RNF220: variants seen among roughly 807,000 people sequenced by gnomAD.
The protein encoded by RNF220 is E3 ubiquitin-protein ligase RNF220.
Under a neutral mutation model 67.1 loss-of-function variants are expected in RNF220, and 7 were observed. The ratio of observed to expected loss-of-function variants is 0.10; its 90% confidence interval spans 0.06 to 0.20. The LOEUF is 0.20. RNF220 is among the 10% of genes least tolerant of loss of function. The pLI is 1.00. For missense variants in RNF220, 565 were observed against 740.3 expected (o/e 0.76, Z 2.75); for synonymous variants, 270 against 283.2 (o/e 0.95, Z 0.47).
chr1:44,507,178 C>T (rs1360618039), intron 2 of RNF220, among the ~76,000 whole-genome samples: 2 of 152,186 alleles, frequency 1.3e-5, no homozygotes, highest in African/African-American at 2.4e-5. Flanking sequence ...CTTCTAGCGG[C>T]CGGATCTCTT....
intron 2 of RNF220, among the ~76,000 whole-genome samples, chr1:44,548,655 T>C (rs1050865643): frequency 6.6e-6 from 1 of 152,122 alleles, no homozygotes; most frequent in African/African-American, 2.4e-5. Flanking sequence ...TCTGGCTTAA[T>C]TTTTAAAAAT....
At chr1:44,418,190 C>T (rs1362914474) in intron 2 of RNF220, among the ~76,000 whole-genome samples, 1 of 151,866 alleles carries the variant, frequency 6.6e-6, no homozygotes, top group Non-Finnish European at 1.5e-5. Context: ...GTGCACGGGG[C>T]GTGAGGGGGA....
intron 2 of RNF220, among the ~76,000 whole-genome samples, chr1:44,477,530 G>GAGAA (rs10634484): frequency 0.11 from 16,643 of 152,118 alleles, 2,699 homozygotes; most frequent in African/African-American, 0.36. Flanking sequence ...TTTGAAGAAT[G>GAGAA]AGAACCAATC....
chr1:44,606,859 G>A lies in RNF220; in HGVS notation c.626-7306G>A, dbSNP rs562154502. 2.0e-5 allele frequency among the ~76,000 whole-genome samples: 3 copies of A among 152,204 alleles called. No homozygotes were observed. The highest frequency in any genetic ancestry group is 2.1e-4 in the South Asian group (1 of 4,816). Reference sequence around the variant, plus strand: ...TCGGTGCTCTATGTCAATGTCTCCCGGGTCTAGAACTCTAGCTCTGGCTCA... The same window carrying A: ...TCGGTGCTCTATGTCAATGTCTCCCAGGTCTAGAACTCTAGCTCTGGCTCA... On this transcript the variant is annotated intron_variant, in intron 2 of 14. Transcript: ENST00000361799. The surrounding 1 kb of genome is among the most constrained non-coding windows in gnomAD (Gnocchi z 4.2).
chr1:44,651,097 T>C lies in RNF220; in HGVS notation c.*322T>C. The C allele has an allele frequency of 4.8e-6, 2 of 416,368 alleles. No individual in the cohort carries two copies. The highest frequency in any genetic ancestry group is 9.1e-6 in the Non-Finnish European group (2 of 219,508). The allele number at this position is 416,368 out of a possible 1,614,324, so 25.8% of individuals were successfully genotyped here. On this transcript the variant is annotated 3_prime_UTR_variant, in exon 15 of 15. Transcript: ENST00000361799. ...GGCTCCTAAGATCCAGCCCCCATAC[T>C]GACAGACGGACAGACAGACATGCAA...
chr1:44,421,031 A>G (rs1182229343), intron 2 of RNF220, among the ~76,000 whole-genome samples: 1 of 152,196 alleles, frequency 6.6e-6, no homozygotes, highest in East Asian at 1.9e-4. Context: ...AAAGGCTTGA[A>G]AGCCCTTTTC....
intron 2 of RNF220, among the ~76,000 whole-genome samples, chr1:44,604,594 T>C (rs1667145302): frequency 6.6e-6 from 1 of 152,260 alleles, no homozygotes; most frequent in South Asian, 2.1e-4. Flanking sequence ...CTCAGTGAGC[T>C]TGCTTGTGCC....
In RNF220 at chr1:44,528,983, T is replaced by C. The variant is rs79389035; in HGVS notation, c.626-85182T>C. Among the ~76,000 whole-genome samples the C allele has an allele frequency of 1.6e-4, 25 of 152,366 alleles. 1 individual carries two copies. In the East Asian group the frequency reaches 4.4e-3, roughly 27 times the overall value. ...GTAGAGTTAGGCAGACATTCTTATA[T>C]ACTATTGGTAAAAGCATACATTTGT... On this transcript the variant is annotated intron_variant, in intron 2 of 14. Transcript: ENST00000361799.
intron 2 of RNF220, among the ~76,000 whole-genome samples, chr1:44,455,639 A>G (rs1653101440): frequency 6.6e-6 from 1 of 152,222 alleles, no homozygotes; most frequent in African/African-American, 2.4e-5. Context: ...TGAACTGGAG[A>G]CAGTAAAAAC....
chr1:44,557,774 C>T (rs1663234055), intron 2 of RNF220, among the ~76,000 whole-genome samples: 1 of 152,196 alleles, frequency 6.6e-6, no homozygotes, highest in Admixed American at 6.5e-5. Context: ...ACCCACTTTG[C>T]CTACAGTTTC....
intron 2 of RNF220, among the ~76,000 whole-genome samples, chr1:44,607,986 C>T (rs983822043): frequency 8.7e-5 from 13 of 149,700 alleles, no homozygotes; most frequent in African/African-American, 2.2e-4. Context: ...TGCAGTGGTG[C>T]GATCATAGCT....
At chr1:44,427,386 TG>T (rs148676502) in intron 2 of RNF220, among the ~76,000 whole-genome samples, 6,522 of 152,284 alleles carry the variant, frequency 0.043, 199 homozygotes, top group Non-Finnish European at 0.067. Flanking sequence ...CTCGAAAAAT[TG>T]ATAGGAGCCT....
intron 2 of RNF220, among the ~76,000 whole-genome samples, chr1:44,506,877 A>G (rs1658477437): frequency 6.6e-6 from 1 of 152,232 alleles, no homozygotes; most frequent in African/African-American, 2.4e-5. Flanking sequence ...GGAGATCAAA[A>G]GTAGCTAATG....
intron 2 of RNF220, among the ~76,000 whole-genome samples, chr1:44,489,838 G>T (rs12079740): frequency 0.026 from 4,034 of 152,256 alleles, 167 homozygotes; most frequent in African/African-American, 0.092. Context: ...AGGGGAAAGG[G>T]TAGTCTTGAA....
At chr1:44,576,727 GA>G (rs1447933960) in intron 2 of RNF220, among the ~76,000 whole-genome samples, 1 of 152,194 alleles carries the variant, frequency 6.6e-6, no homozygotes, top group African/African-American at 2.4e-5. Flanking sequence ...AAAAAGGGGG[GA>G]AAAAAGCTGA....
chr1:44,547,968 C>G (rs1662304549), intron 2 of RNF220, among the ~76,000 whole-genome samples: 1 of 152,138 alleles, frequency 6.6e-6, no homozygotes, highest in African/African-American at 2.4e-5. Context: ...TTACCCCCAG[C>G]ACCCGCACAC....
chr1:44,415,502 T>TAC, intron 2 of RNF220, among the ~76,000 whole-genome samples: 1 of 150,694 alleles, frequency 6.6e-6, no homozygotes, highest in East Asian at 1.9e-4. Flanking sequence ...ATATGGTTGA[T>TAC]ATACACACAC....
intron 2 of RNF220, among the ~76,000 whole-genome samples, chr1:44,467,778 C>T (rs1438550487): frequency 2.6e-5 from 4 of 152,202 alleles, no homozygotes; most frequent in Non-Finnish European, 5.9e-5. Flanking sequence ...CACTAGAGGC[C>T]TGGCTCTCAG....
rs1022214348 is a variant in RNF220, at chr1:44,565,188, G to A, written c.626-48977G>A. On this transcript the variant is annotated intron_variant, in intron 2 of 14. Coordinates refer to ENST00000361799, the MANE Select transcript of RNF220 (RefSeq NM_018150.4). This position sits in a 1 kb window ranked among gnomAD's most constrained non-coding sequence, Gnocchi z 4.2. ...CCAACAAACTGACAGATAGATGTTG[G>A]TTCTGTGCCTAGGAATATGTTGGTG... Among the ~76,000 whole-genome samples, 64 of 150,802 alleles carry A rather than the reference G, an allele frequency of 4.2e-4. No homozygotes were observed. Among genetic ancestry groups the A allele is most frequent in the African/African-American group, 1.5e-3 (61 of 41,226 alleles).
Sources: gnomAD v4.1 joint callset for allele counts (sites outside exome capture counted in the v4.1 genomes callset) on GRCh38, gnomAD v4.1.1 for gene constraint, Gnocchi (gnomAD v3.1) non-coding constraint, MANE v1.5 for transcripts, NCBI Gene and HGNC (gene_info 2026-07-23, HGNC 2026-07-21) for gene names.